DYRK1A: variants seen among roughly 807,000 people sequenced by gnomAD.
The protein encoded by DYRK1A is dual specificity tyrosine-phosphorylation-regulated kinase 1A.
A neutral mutation model predicts 79.7 loss-of-function variants in DYRK1A; 9 were observed. That is an observed-to-expected ratio of 0.11 (90% CI 0.07 to 0.20). DYRK1A has a LOEUF of 0.20. Ranked by LOEUF, DYRK1A falls within the 10% of genes least tolerant of loss-of-function variation. The pLI is 1.00. For missense variants in DYRK1A, 622 were observed against 956.0 expected (o/e 0.65, Z 4.61); for synonymous variants, 349 against 329.7 (o/e 1.06, Z -0.63).
chr21:37,508,390 C>T (rs777223541), intron 11 of DYRK1A, among the ~76,000 whole-genome samples: 4 of 152,200 alleles, frequency 2.6e-5, no homozygotes, highest in African/African-American at 4.8e-5. Context: ...CTGGTTCAAG[C>T]GAGTCTCCTG....
chr21:37,505,302 C>G lies in DYRK1A; in HGVS notation c.1232C>G (p.Thr411Ser), dbSNP rs1330665947. ...DGKREYKPPGTRKLHNILGVE... is the reference protein window; with the variant it reads ...DGKREYKPPGSRKLHNILGVE... ...TTACAGGAGTACAAACCACCAGGAACCCGTAAACTTCATAACATTCTTGGA... is the reference window on the plus strand; with the variant it reads ...TTACAGGAGTACAAACCACCAGGAAGCCGTAAACTTCATAACATTCTTGGA... The change falls in exon 10 of 12, where the codon ACC becomes AGC. Residue 411 changes from threonine to serine, a missense_variant. By Grantham distance (58) the Thr-to-Ser change is moderately conservative. This residue lies in a region of DYRK1A where 80 missense variants were observed against 116.5 expected (regional missense o/e 0.69). Transcript: ENST00000647188. 1.2e-6 allele frequency: 2 copies of G among 1,612,148 alleles called. No homozygotes were observed. The highest frequency in any genetic ancestry group is 2.7e-5 in the African/African-American group (2 of 74,840).
At chr21:37,480,991 A>G in intron 5 of DYRK1A, 165 bp downstream of exon 5, 4 of 570,672 alleles carry the variant, frequency 7.0e-6, no homozygotes, top group Non-Finnish European at 9.0e-6. Context: ...AGGTAGTGAT[A>G]CTGCATCAGT....
At chr21:37,403,896 G>A (rs1158808699) in intron 1 of DYRK1A, among the ~76,000 whole-genome samples, 2 of 151,460 alleles carry the variant, frequency 1.3e-5, no homozygotes, top group Admixed American at 1.3e-4. Flanking sequence ...CTTTATTAAG[G>A]CAAAATTTAT....
At chr21:37,445,691 G>C (rs1281231429) in intron 2 of DYRK1A, among the ~76,000 whole-genome samples, 1 of 152,184 alleles carries the variant, frequency 6.6e-6, no homozygotes, top group Non-Finnish European at 1.5e-5. Context: ...CTTGTATCAT[G>C]AACAGTGTGA....
intron 5 of DYRK1A, among the ~76,000 whole-genome samples, chr21:37,482,113 G>C (rs1289964887): frequency 6.6e-6 from 1 of 152,146 alleles, no homozygotes; most frequent in Non-Finnish European, 1.5e-5. Context: ...CTTAAACTAT[G>C]GAACCTGCAT....
chr21:37,415,512 T>C (rs2050320706), intron 1 of DYRK1A: 1 of 152,316 alleles, frequency 6.6e-6, no homozygotes, highest in Non-Finnish European at 1.5e-5. Flanking sequence ...TTGCCCAGGC[T>C]GGAGTGCAGT....
At chr21:37,384,537 A>G (rs770680356) in intron 1 of DYRK1A, among the ~76,000 whole-genome samples, 3 of 150,756 alleles carry the variant, frequency 2.0e-5, no homozygotes, top group Non-Finnish European at 4.4e-5. Flanking sequence ...TCTGAAACTA[A>G]TGTAATTGCC....
At chr21:37,500,803 A>G (rs978086704) in intron 9 of DYRK1A, among the ~76,000 whole-genome samples, 3 of 151,838 alleles carry the variant, frequency 2.0e-5, no homozygotes, top group East Asian at 1.9e-4. Flanking sequence ...ATCTGTAGTG[A>G]TAGTCTCTCT....
At chr21:37,483,636 G>A (rs959852679) in intron 5 of DYRK1A, among the ~76,000 whole-genome samples, 2 of 152,062 alleles carry the variant, frequency 1.3e-5, no homozygotes, top group Non-Finnish European at 2.9e-5. Context: ...TGGCAGGAGT[G>A]CAGTGGAGTA....
In DYRK1A at chr21:37,506,093, T is replaced by C. The variant is rs746072258; in HGVS notation, c.1520-6T>C. ...AGTTGTATTGTTTTGTGTTGTGATATTTCAGGTGGCTCATCGGGGACAAGC... is the reference window on the plus strand; with the variant it reads ...AGTTGTATTGTTTTGTGTTGTGATACTTCAGGTGGCTCATCGGGGACAAGC... On this transcript the variant is annotated splice_polypyrimidine_tract_variant and splice_region_variant and intron_variant, in intron 10 of 11. Transcript: ENST00000647188. The C allele has an allele frequency of 3.7e-6, 6 of 1,607,888 alleles. No individual in the cohort carries two copies. The South Asian group carries it at 6.6e-5, about 18-fold the overall frequency.
At chr21:37,447,717 T>C (rs752741104) in intron 2 of DYRK1A, among the ~76,000 whole-genome samples, 4 of 152,122 alleles carry the variant, frequency 2.6e-5, no homozygotes, top group Non-Finnish European at 5.9e-5. Context: ...AAAGAAGGCT[T>C]GAGTTGGCGA....
intron 1 of DYRK1A, chr21:37,368,190 C>T (rs922430683): frequency 6.6e-6 from 1 of 152,198 alleles, no homozygotes; most frequent in African/African-American, 2.4e-5. Flanking sequence ...GGGGCACTCA[C>T]TGGCCTCCGA....
At chr21:37,510,217 T>G (rs2053711447) in intron 11 of DYRK1A, among the ~76,000 whole-genome samples, 1 of 152,228 alleles carries the variant, frequency 6.6e-6, no homozygotes. Context: ...GATTTATAAT[T>G]TTGATAACTA....
chr21:37,476,366 T>C (rs1357594634), intron 3 of DYRK1A, among the ~76,000 whole-genome samples: 1 of 152,230 alleles, frequency 6.6e-6, no homozygotes, highest in Non-Finnish European at 1.5e-5. Flanking sequence ...CTGCTACTGT[T>C]ATTGTTACTT....
intron 6 of DYRK1A, chr21:37,488,499 A>T (rs779564165): frequency 9.3e-6 from 8 of 862,110 alleles, no homozygotes; most frequent in Non-Finnish European, 1.1e-5. Context: ...TCTTATCTGG[A>T]TTATTTGGTA....
chr21:37,475,340 G>C (rs1333546611), intron 3 of DYRK1A, among the ~76,000 whole-genome samples: 1 of 152,192 alleles, frequency 6.6e-6, no homozygotes, highest in Non-Finnish European at 1.5e-5. Context: ...AAGGGAGCTT[G>C]CTCTATTACT....
In DYRK1A at chr21:37,434,805, G is replaced by T. The variant is rs546435563; in HGVS notation, c.10+14421G>T. The stretch of plus-strand genomic sequence containing the variant: ...GAGACTTCAGTGAGCCACGCTTTCT[G>T]TTATGCCCACCTCTTTAGTCTTTCC... On this transcript the variant is annotated intron_variant, in intron 2 of 11. Transcript: ENST00000647188. Among the ~76,000 whole-genome samples, 6 of 152,298 alleles carry T rather than the reference G, an allele frequency of 3.9e-5. No homozygotes were observed. In the East Asian group the frequency reaches 9.6e-4, roughly 24 times the overall value.
rs2053950365 is a variant in DYRK1A at position 37,523,725 on chromosome 21, C to T, written c.*11194C>T. 1 of 152,160 alleles carries T rather than the reference C, an allele frequency of 6.6e-6. No individual in the cohort carries two copies. The highest frequency in any genetic ancestry group is 2.4e-5 in the African/African-American group (1 of 41,436). The allele number at this position is 152,160 out of a possible 1,614,324, so 9.4% of individuals were successfully genotyped here. A position where few individuals can be genotyped will look rare whatever the true frequency, so the allele number is the denominator to read the frequency against. On this transcript the variant is annotated 3_prime_UTR_variant, in exon 12 of 12. Transcript: ENST00000647188. ...TTTCACATTTTACATGGCTGAAAAA[C>T]ATCAAATGATATTTCAGGACATAGG...
At chr21:37,397,587 T>C (rs2049979529) in intron 1 of DYRK1A, among the ~76,000 whole-genome samples, 1 of 152,188 alleles carries the variant, frequency 6.6e-6, no homozygotes, top group African/African-American at 2.4e-5. Flanking sequence ...AAACTAGTCC[T>C]ATAAAAGGAA....
Sources: gnomAD v4.1 joint callset for allele counts (sites outside exome capture counted in the v4.1 genomes callset) on GRCh38, gnomAD v4.1.1 for gene constraint, gnomAD v4.1.1 regional missense constraint, MANE v1.5 for transcripts, NCBI Gene and HGNC (gene_info 2026-07-23, HGNC 2026-07-21) for gene names.